DNAJC21: variants seen among roughly 807,000 people sequenced by gnomAD.
The protein encoded by DNAJC21 is dnaJ homolog subfamily C member 21.
A neutral mutation model predicts 72.4 loss-of-function variants in DNAJC21; 63 were observed. The observed-to-expected ratio is 0.87, with a 90% confidence interval of 0.71 to 1.07. The LOEUF is 1.07. Among genes scored for constraint, DNAJC21 ranks in the 50% least tolerant of loss-of-function variants. The pLI is 0.00. For synonymous variants in DNAJC21, 203 were observed against 216.7 expected, an observed-to-expected ratio of 0.94 and a Z score of 0.56; for missense variants, 634 against 644.8, an observed-to-expected ratio of 0.98 and a Z score of 0.18.
intron 9 of DNAJC21, among the ~76,000 whole-genome samples, chr5:34,948,053 AAAAG>A (rs1765231967): frequency 6.6e-6 from 1 of 152,202 alleles, no homozygotes. Flanking sequence ...CTCCCCCAAA[AAAAG>A]GAATTAAATG....
intron 11 of DNAJC21, 119 bp downstream of exon 11, chr5:34,954,120 G>A: frequency 2.3e-6 from 2 of 851,676 alleles, no homozygotes; most frequent in Non-Finnish European, 3.5e-6. Context: ...CAAAGATGTG[G>A]ATCCATCAAC....
intron 1 of DNAJC21, among the ~76,000 whole-genome samples, chr5:34,931,421 G>C (rs549664975): frequency 2.7e-4 from 41 of 152,312 alleles, no homozygotes; most frequent in African/African-American, 9.4e-4. Context: ...GTTACTGTTA[G>C]AAATCAAGTT....
Position 34,929,651 on chromosome 5 carries a change from ACAC to A in DNAJC21, c.-164_-162del, listed in dbSNP as rs555784528. ...CGCCACCGCGCGCCTTCACTGACCT[ACAC>A]CACCGCCGCCGCCGCCGCCGCCGCC... is the stretch of plus-strand genomic sequence containing the variant. On this transcript the variant is annotated 5_prime_UTR_variant, in exon 1 of 12. Coordinates refer to ENST00000648817, the MANE Select transcript of DNAJC21 (RefSeq NM_001012339.3). The A allele has an allele frequency of 5.2e-3, 805 of 154,684 alleles. 7 individuals are homozygous for A. The highest frequency in any genetic ancestry group is 0.019 in the African/African-American group (768 of 39,460). 9.6% of individuals were successfully genotyped at this position (154,684 alleles called of 1,614,324 possible).
chr5:34,942,118 A>G (rs1431738458), intron 7 of DNAJC21, among the ~76,000 whole-genome samples: 1 of 152,074 alleles, frequency 6.6e-6, no homozygotes, highest in African/African-American at 2.4e-5. Flanking sequence ...ACATAGTCAC[A>G]TGGGCAAAAA....
rs989670177 is a variant in DNAJC21, at chr5:34,958,939, C to T, written c.*4225C>T. The T allele has an allele frequency of 1.3e-5, 2 of 152,132 alleles. No individual in the cohort carries two copies. The highest frequency in any genetic ancestry group is 4.8e-5 in the African/African-American group (2 of 41,422). 9.4% of individuals were successfully genotyped at this position (152,132 alleles called of 1,614,324 possible). ...TTTTACAAATCTCTTTAACATTTAG[C>T]TTAATAAAAGATAGCTGGCCTCTCA... On this transcript the variant is annotated 3_prime_UTR_variant, in exon 12 of 12. Transcript: ENST00000648817.
chr5:34,948,815 A>C (rs1580538694), intron 9 of DNAJC21, among the ~76,000 whole-genome samples: 1 of 152,254 alleles, frequency 6.6e-6, no homozygotes. Flanking sequence ...CAGTGAGCTG[A>C]GATCACGCCA....
rs1283209390 is a variant in DNAJC21 at position 34,955,978 on chromosome 5, G to A, written c.*1264G>A. On this transcript the variant is annotated 3_prime_UTR_variant, in exon 12 of 12. Transcript: ENST00000648817. ...TGAGGCAGGAGAATGGCGTGAACCC[G>A]GGAGGCGGAGCTTGCAGTGAGCCGA... is the stretch of plus-strand genomic sequence containing the variant. 5.4e-5 allele frequency: 8 copies of A among 146,962 alleles called. No homozygotes were observed. The highest frequency in any genetic ancestry group is 2.0e-4 in the Admixed American group (3 of 14,752). The allele number at this position is 146,962 out of a possible 1,614,324, so 9.1% of individuals were successfully genotyped here.
At chr5:34,942,200 C>G (rs1765018816) in intron 7 of DNAJC21, among the ~76,000 whole-genome samples, 1 of 152,186 alleles carries the variant, frequency 6.6e-6, no homozygotes, top group African/African-American at 2.4e-5. Context: ...TTGTCCCATG[C>G]AGGCTGATGC....
Position 34,958,043 on chromosome 5 carries a change from T to G in DNAJC21, c.*3329T>G, listed in dbSNP as rs529475323. Reference sequence around the variant, plus strand: ...AGAGGAAGCTGAGCTCAGGGAGATATGAGCTCCACAGCCACAGCTGGTTAG... The same window carrying G: ...AGAGGAAGCTGAGCTCAGGGAGATAGGAGCTCCACAGCCACAGCTGGTTAG... On this transcript the variant is annotated 3_prime_UTR_variant, in exon 12 of 12. Transcript: ENST00000648817. 3.9e-5 allele frequency: 6 copies of G among 152,224 alleles called. No homozygotes were observed. Among genetic ancestry groups the G allele is most frequent in the Non-Finnish European group, 5.9e-5 (4 of 68,048 alleles). The allele number at this position is 152,224 out of a possible 1,614,324, so 9.4% of individuals were successfully genotyped here.
At chr5:34,949,625 G>A in intron 9 of DNAJC21, 3 of 1,607,534 alleles carry the variant, frequency 1.9e-6, no homozygotes, top group Non-Finnish European at 2.6e-6. Flanking sequence ...GGAGAGAGAA[G>A]AGATGGAGAG....
intron 1 of DNAJC21, among the ~76,000 whole-genome samples, chr5:34,932,778 T>C (rs1016033394): frequency 1.1e-4 from 17 of 152,214 alleles, no homozygotes; most frequent in African/African-American, 3.9e-4. Context: ...AGCTTCTCCA[T>C]AGGCAGCCTG....
At chr5:34,945,636 A>G (rs1459112778) in intron 8 of DNAJC21, 125 bp from the exon 9 acceptor site, 3 of 763,248 alleles carry the variant, frequency 3.9e-6, no homozygotes, top group Non-Finnish European at 6.0e-6. Context: ...GCTTTAAGAT[A>G]TTAAATATTT....
chr5:34,949,493 A>G, intron 9 of DNAJC21: 1 of 1,550,530 alleles, frequency 6.4e-7, no homozygotes, highest in Non-Finnish European at 8.7e-7. Context: ...TAATATTAGC[A>G]TTAGATTCTT....
rs1156877834 is a variant in DNAJC21 at position 34,933,922 on chromosome 5, T to C, written c.191+14T>C. 2 of 1,608,988 alleles carry C rather than the reference T, an allele frequency of 1.2e-6. No homozygotes were observed. The highest frequency in any genetic ancestry group is 1.3e-5 in the African/African-American group (1 of 74,822). ...GGAAAGAGCATGGTGAGCATCACGC[T>C]GTCCTTCCCATCCTAGTTTATGATG... On this transcript the variant is annotated intron_variant, in intron 2 of 11. Coordinates refer to ENST00000648817, the MANE Select transcript of DNAJC21 (RefSeq NM_001012339.3).
At chr5:34,937,218 T>C (rs1764808697) in intron 4 of DNAJC21, 108 bp from the exon 5 acceptor site, 12 of 1,139,918 alleles carry the variant, frequency 1.1e-5, no homozygotes, top group Non-Finnish European at 1.5e-5. Context: ...AGAAGTGTTA[T>C]ATACATGAAA....
rs570145079 is a variant in DNAJC21, at chr5:34,934,089, T to C, written c.191+181T>C. On this transcript the variant is annotated intron_variant, in intron 2 of 11. Coordinates refer to ENST00000648817, the MANE Select transcript of DNAJC21 (RefSeq NM_001012339.3). ...CAGAAGGAAGCTTGGAAATGATTGC[T>C]CCAATTATCTGATATCATAGGGGGT... Among the ~76,000 whole-genome samples the C allele has an allele frequency of 1.4e-3, 210 of 152,156 alleles. 1 individual carries two copies. The highest frequency in any genetic ancestry group is 4.8e-3 in the African/African-American group (199 of 41,558).
intron 5 of DNAJC21, among the ~76,000 whole-genome samples, chr5:34,938,050 A>T (rs1182180636): frequency 2.0e-5 from 3 of 152,152 alleles, no homozygotes; most frequent in Non-Finnish European, 4.4e-5. Context: ...TGCCCGCCTC[A>T]GCCTCCCAAA....
At chr5:34,952,220 T>G in intron 10 of DNAJC21, 1 of 985,178 alleles carries the variant, frequency 1.0e-6, no homozygotes. Flanking sequence ...ATAATATAAG[T>G]GATGTTTGCC....
At position 34,933,080 on chromosome 5, in the gene DNAJC21, G is replaced by A. The variant is rs185279675; in HGVS notation, c.98-735G>A. On this transcript the variant is annotated intron_variant, in intron 1 of 11. Transcript: ENST00000648817. ...GCTAAGGAAATAATAACTAATTAGT[G>A]TATATTTTTTAAACTTTATGAGATT... 8.6e-4 allele frequency among the ~76,000 whole-genome samples: 131 copies of A among 152,286 alleles called. 3 individuals carry two copies. The highest frequency in any genetic ancestry group is 7.1e-3 in the Admixed American group (109 of 15,300).
Sources: gnomAD v4.1 joint callset for allele counts (sites outside exome capture counted in the v4.1 genomes callset) on GRCh38, gnomAD v4.1.1 for gene constraint, MANE v1.5 for transcripts, NCBI Gene and HGNC (gene_info 2026-07-23, HGNC 2026-07-21) for gene names.